Variants in WDPCP observed in about 807,000 individuals in gnomAD.
WDPCP encodes the protein WD repeat containing planar cell polarity effector.
Under a neutral mutation model 93.1 loss-of-function variants are expected in WDPCP, and 71 were observed. The ratio of observed to expected loss-of-function variants is 0.76; its 90% CI spans 0.63 to 0.93. The LOEUF is 0.93. Ranked by LOEUF, WDPCP falls within the 40% of genes least tolerant of loss-of-function variation. The pLI, the probability that WDPCP is intolerant of heterozygous loss-of-function variation, is 0.00. For missense variants in WDPCP, 844 were observed against 887.4 expected, an observed-to-expected ratio of 0.95 and a Z score of 0.62; for synonymous variants, 315 against 315.0, an observed-to-expected ratio of 1.00 and a Z score of 0.00.
intron 2 of WDPCP, among the ~76,000 whole-genome samples, chr2:63,706,986 C>T (rs542361229): frequency 2.5e-4 from 38 of 152,238 alleles, no homozygotes; most frequent in Non-Finnish European, 5.0e-4. Context: ...GAGTTTCTGC[C>T]GAGAGATCAG....
At chr2:63,762,209 C>T (rs568822409) in intron 2 of WDPCP, among the ~76,000 whole-genome samples, 2 of 152,240 alleles carry the variant, frequency 1.3e-5, no homozygotes, top group South Asian at 4.1e-4. Flanking sequence ...GAGTCTGAAT[C>T]ACTGGGGAAA....
At chr2:63,515,496 AG>A (rs1181963727) in intron 1 of WDPCP, among the ~76,000 whole-genome samples, 4 of 152,176 alleles carry the variant, frequency 2.6e-5, no homozygotes, top group African/African-American at 7.2e-5. Context: ...CATTTGTGTG[AG>A]GTGTTGTTAA....
intron 2 of WDPCP, among the ~76,000 whole-genome samples, chr2:63,690,225 T>C (rs1328115963): frequency 6.6e-6 from 1 of 152,186 alleles, no homozygotes; most frequent in East Asian, 1.9e-4. Flanking sequence ...ATGAAGTAGA[T>C]TGGAGAGAAA....
chr2:63,183,713 A>C (rs1674415131), intron 14 of WDPCP, among the ~76,000 whole-genome samples: 1 of 152,070 alleles, frequency 6.6e-6, no homozygotes, highest in African/African-American at 2.4e-5. Context: ...GTGAACTGCT[A>C]CAGGTACAGT....
upstream of WDPCP, among the ~76,000 whole-genome samples, chr2:63,827,998 C>T (rs1225680639): frequency 1.3e-5 from 2 of 152,158 alleles, no homozygotes; most frequent in Non-Finnish European, 2.9e-5. Context: ...TTGAGTCTGG[C>T]ACTGACAGGC....
chr2:63,448,363 T>A (rs991569018), intron 6 of WDPCP, among the ~76,000 whole-genome samples: 4 of 152,040 alleles, frequency 2.6e-5, no homozygotes, highest in African/African-American at 9.7e-5. Context: ...GAAAGTAAGC[T>A]TGGCAACTTT....
intron 2 of WDPCP, among the ~76,000 whole-genome samples, chr2:63,805,446 A>C (rs973183964): frequency 2.6e-5 from 4 of 152,220 alleles, no homozygotes; most frequent in African/African-American, 7.2e-5. Context: ...TCTGTCCCCA[A>C]ATCAGACCCC....
intron 14 of WDPCP, among the ~76,000 whole-genome samples, chr2:63,199,705 C>T (rs1675749526): frequency 6.6e-6 from 1 of 152,256 alleles, no homozygotes; most frequent in African/African-American, 2.4e-5. Context: ...AGAACTTCTA[C>T]TACAGCAGTG....
intron 14 of WDPCP, among the ~76,000 whole-genome samples, chr2:63,195,702 T>C (rs1245336554): frequency 6.6e-6 from 1 of 152,148 alleles, no homozygotes; most frequent in Non-Finnish European, 1.5e-5. Context: ...ATGAACCACG[T>C]AGGCTAAAAA....
chr2:63,202,564 T>C (rs931585484), intron 14 of WDPCP, among the ~76,000 whole-genome samples: 2 of 152,146 alleles, frequency 1.3e-5, no homozygotes, highest in African/African-American at 4.8e-5. Flanking sequence ...TATGTTAAAG[T>C]TTCCTTTTAT....
chr2:63,656,930 G>T (rs1710173931), intron 2 of WDPCP, among the ~76,000 whole-genome samples: 1 of 152,142 alleles, frequency 6.6e-6, no homozygotes, highest in Non-Finnish European at 1.5e-5. Flanking sequence ...GAACAAAGTG[G>T]GGGAAATAAC....
intron 9 of WDPCP, among the ~76,000 whole-genome samples, chr2:63,413,665 G>C (rs188860214): frequency 1.3e-5 from 2 of 152,254 alleles, no homozygotes; most frequent in East Asian, 3.9e-4. Flanking sequence ...AGGTGTGGTG[G>C]CGGGAGCCTG....
intron 14 of WDPCP, among the ~76,000 whole-genome samples, chr2:63,204,771 G>A (rs1676203946): frequency 1.3e-5 from 2 of 152,022 alleles, no homozygotes; most frequent in Admixed American, 1.3e-4. Context: ...GAGATGGGTA[G>A]TTTGCGGTAT....
chr2:63,678,333 C>A (rs1189423473), intron 2 of WDPCP, among the ~76,000 whole-genome samples: 1 of 152,160 alleles, frequency 6.6e-6, no homozygotes, highest in East Asian at 1.9e-4. Flanking sequence ...AATACTTTCC[C>A]AAAACCACAT....
At chr2:63,607,321 T>A (rs1233270387) in intron 3 of WDPCP, 1 of 164,000 alleles carries the variant, frequency 6.1e-6, no homozygotes, top group East Asian at 1.8e-4. Context: ...GTGGATCACC[T>A]GAGGTCCGGA....
At chr2:63,563,959 T>C (rs756861791) in intron 1 of WDPCP, among the ~76,000 whole-genome samples, 9 of 152,212 alleles carry the variant, frequency 5.9e-5, no homozygotes, top group African/African-American at 1.9e-4. Context: ...CTTTTGAGTA[T>C]ACTAAAAACT....
chr2:63,277,835 T>G (rs1683203483), intron 13 of WDPCP, among the ~76,000 whole-genome samples: 2 of 152,168 alleles, frequency 1.3e-5, no homozygotes, highest in African/African-American at 4.8e-5. Flanking sequence ...CTGACAGTAC[T>G]AAACAGGTCG....
chr2:63,795,134 GT>G (rs1411473142), intron 2 of WDPCP, among the ~76,000 whole-genome samples: 1 of 152,248 alleles, frequency 6.6e-6, no homozygotes, highest in Middle Eastern at 3.4e-3. Context: ...AGGGCATTCT[GT>G]TGTTTGTATT....
chr2:63,277,268 C>T (rs958010914), intron 13 of WDPCP, among the ~76,000 whole-genome samples: 9 of 152,132 alleles, frequency 5.9e-5, no homozygotes, highest in East Asian at 3.9e-4. Flanking sequence ...ACACCAAAAT[C>T]GAACCTCCTT....
Sources: allele counts gnomAD v4.1 joint callset (sites outside exome capture counted in the v4.1 genomes callset), GRCh38; gene constraint gnomAD v4.1.1; transcripts MANE v1.5; gene names NCBI Gene and HGNC (gene_info 2026-07-23, HGNC 2026-07-21).